Variants in HNF4G observed in about 807,000 individuals in gnomAD.
HNF4G encodes the protein hepatocyte nuclear factor 4-gamma.
HNF4G carries 21 observed loss-of-function variants against 50.9 expected under a neutral mutation model. That is an observed-to-expected ratio of 0.41 (90% CI 0.29 to 0.59). The LOEUF (loss-of-function observed/expected upper bound fraction) is 0.59. HNF4G is among the 20% of genes least tolerant of loss of function. The pLI is 0.26. For synonymous variants in HNF4G, 198 were observed against 185.6 expected, an observed-to-expected ratio of 1.07 and a Z score of -0.54; for missense variants, 527 against 559.4, an observed-to-expected ratio of 0.94 and a Z score of 0.58.
At chr8:75,510,503 A>G (rs1805723558) in intron 2 of HNF4G, among the ~76,000 whole-genome samples, 1 of 152,198 alleles carries the variant, frequency 6.6e-6, no homozygotes, top group African/African-American at 2.4e-5. Context: ...AGTTCCCTTC[A>G]TGGTAGGTGC....
At chr8:75,529,058 G>A (rs965563103) in intron 2 of HNF4G, among the ~76,000 whole-genome samples, 1 of 151,950 alleles carries the variant, frequency 6.6e-6, no homozygotes, top group South Asian at 2.1e-4. Flanking sequence ...AGGCCGAGAC[G>A]GACGGTTCAA....
chr8:75,526,556 CA>C (rs1481162253), intron 2 of HNF4G, among the ~76,000 whole-genome samples: 1 of 150,808 alleles, frequency 6.6e-6, no homozygotes, highest in Non-Finnish European at 1.5e-5. Flanking sequence ...TTTTTTGAGA[CA>C]GGGTCTTGCT....
intron 8 of HNF4G, among the ~76,000 whole-genome samples, chr8:75,559,338 A>T (rs1317541083): frequency 1.3e-5 from 2 of 151,792 alleles, no homozygotes; most frequent in Non-Finnish European, 2.9e-5. Flanking sequence ...CAGTGGCACA[A>T]TCTCGGCTCA....
At chr8:75,553,440 C>T (rs1051561896) in intron 5 of HNF4G, among the ~76,000 whole-genome samples, 1 of 152,078 alleles carries the variant, frequency 6.6e-6, no homozygotes, top group Non-Finnish European at 1.5e-5. Context: ...CAAAACACTC[C>T]TCTGCCCTTT....
chr8:75,448,199 C>T (rs1472002772), intron 1 of HNF4G, among the ~76,000 whole-genome samples: 5 of 137,086 alleles, frequency 3.6e-5, no homozygotes, highest in African/African-American at 5.5e-5. Context: ...AACCAAACAC[C>T]GTATATTCTC....
At chr8:75,473,127 G>A (rs532736054) in intron 1 of HNF4G, among the ~76,000 whole-genome samples, 1 of 152,178 alleles carries the variant, frequency 6.6e-6, no homozygotes, top group African/African-American at 2.4e-5. Context: ...GGCTAACATG[G>A]TGAAACTCCG....
intron 1 of HNF4G, among the ~76,000 whole-genome samples, chr8:75,423,969 A>T (rs1585830257): frequency 6.6e-6 from 1 of 151,238 alleles, no homozygotes; most frequent in East Asian, 2.0e-4. Flanking sequence ...GACTACAAGT[A>T]TGCATCACCA....
At chr8:75,471,788 C>T (rs1465206120) in intron 1 of HNF4G, among the ~76,000 whole-genome samples, 5 of 152,108 alleles carry the variant, frequency 3.3e-5, no homozygotes, top group Non-Finnish European at 5.9e-5. Context: ...AATAATGATG[C>T]TAAAGTGTAC....
chr8:75,563,555 C>T (rs552217933), intron 9 of HNF4G, among the ~76,000 whole-genome samples: 95 of 151,928 alleles, frequency 6.3e-4, no homozygotes, highest in Middle Eastern at 6.8e-3. Context: ...GGAATCCAAA[C>T]CAAATATATT....
intron 1 of HNF4G, among the ~76,000 whole-genome samples, chr8:75,452,708 G>T (rs1359358618): frequency 1.3e-5 from 2 of 150,844 alleles, no homozygotes; most frequent in African/African-American, 4.9e-5. Flanking sequence ...AACAGAGTGA[G>T]ACTCCGTCTC....
At chr8:75,562,978 C>T (rs1807356690) in intron 9 of HNF4G, among the ~76,000 whole-genome samples, 1 of 152,094 alleles carries the variant, frequency 6.6e-6, no homozygotes, top group Non-Finnish European at 1.5e-5. Flanking sequence ...AAAAATTTTG[C>T]TTCTAAGTAA....
intron 1 of HNF4G, among the ~76,000 whole-genome samples, chr8:75,484,688 A>G (rs1419336293): frequency 6.6e-6 from 1 of 152,242 alleles, no homozygotes; most frequent in African/African-American, 2.4e-5. Flanking sequence ...CCAATAGACT[A>G]TCAGCTTCAC....
intron 3 of HNF4G, among the ~76,000 whole-genome samples, chr8:75,550,194 C>T (rs1211053016): frequency 3.3e-5 from 5 of 152,044 alleles, no homozygotes; most frequent in East Asian, 1.9e-4. Context: ...CAGCCTTAAC[C>T]GAAATAATTT....
At chr8:75,453,904 A>G (rs555093869) in intron 1 of HNF4G, among the ~76,000 whole-genome samples, 3 of 152,268 alleles carry the variant, frequency 2.0e-5, no homozygotes, top group African/African-American at 7.2e-5. Flanking sequence ...CCAAATTTAT[A>G]TGTTAAAGTC....
intron 2 of HNF4G, among the ~76,000 whole-genome samples, chr8:75,531,820 C>A (rs537755632): frequency 1.3e-5 from 2 of 152,142 alleles, no homozygotes; most frequent in East Asian, 1.9e-4. Flanking sequence ...ACAAAATGAG[C>A]ATCTGAGGAT....
rs754701212 is a variant in HNF4G at position 75,553,091 on chromosome 8, T to C, written c.539T>C (p.Ile180Thr). Residue 180 changes from isoleucine to threonine, a missense_variant, in exon 5 of 10, where the codon ATT becomes ACT. Physicochemically the swap from Ile to Thr is moderately conservative, Grantham distance 89. Transcript: ENST00000396423. ...GSSTDINVKK[I>T]ASIGDVCESM... ...AGCACTGACATAAACGTTAAGAAAA[T>C]TGCAAGTATTGGTGATGTCTGTGAA... 27 of 1,612,612 alleles carry C rather than the reference T, an allele frequency of 1.7e-5. No individual in the cohort carries two copies. The highest frequency in any genetic ancestry group is 3.3e-5 in the Admixed American group (2 of 59,922).
At chr8:75,430,474 T>TAGAGAGAGAGAGAGAGAG (rs66481707) in intron 1 of HNF4G, among the ~76,000 whole-genome samples, 11 of 136,110 alleles carry the variant, frequency 8.1e-5, no homozygotes, top group African/African-American at 3.0e-4. Flanking sequence ...GGGTAGGGAG[T>TAGAGAGAGAGAGAGAGAG]AGAGAGAGAG....
In HNF4G at chr8:75,481,225, C is replaced by A. The variant is rs187046967; in HGVS notation, c.-143-8864C>A. 3.4e-3 allele frequency among the ~76,000 whole-genome samples: 523 copies of A among 152,234 alleles called. 1 individual carries two copies. Among genetic ancestry groups the A allele is most frequent in the Non-Finnish European group, 5.3e-3 (361 of 68,018 alleles). On this transcript the variant is annotated intron_variant, in intron 1 of 10. Transcript: ENST00000354370. The stretch of plus-strand genomic sequence containing the variant: ...CTGGACTATATTACATCTGAAATTT[C>A]TTTACTTTTAACACTTTATGAGCCA...
At chr8:75,533,923 T>G (rs940911994) in intron 2 of HNF4G, among the ~76,000 whole-genome samples, 2 of 151,910 alleles carry the variant, frequency 1.3e-5, no homozygotes, top group African/African-American at 4.8e-5. Flanking sequence ...TGTTTATTTA[T>G]TTATCTGGTT....
Sources: allele counts gnomAD v4.1 joint callset (sites outside exome capture counted in the v4.1 genomes callset), GRCh38; gene constraint gnomAD v4.1.1; transcripts MANE v1.5; gene names NCBI Gene and HGNC (gene_info 2026-07-23, HGNC 2026-07-21).